PDE3A: variants seen among roughly 807,000 people sequenced by gnomAD.
PDE3A encodes the protein cGMP-inhibited 3',5'-cyclic phosphodiesterase 3A.
Under a neutral mutation model 98.3 loss-of-function variants are expected in PDE3A, and 43 were observed. That is an observed-to-expected ratio of 0.44 (90% CI 0.34 to 0.56). The LOEUF (loss-of-function observed/expected upper bound fraction) is 0.56, where lower values mean the gene tolerates loss of function less well. PDE3A is among the 20% of genes least tolerant of loss of function. The probability of loss-of-function intolerance (pLI) is 0.01; values close to 1 mark genes in which losing one functional copy is unlikely to be tolerated. For synonymous variants in PDE3A, 663 were observed against 567.9 expected (o/e 1.17, Z -2.38); for missense variants, 1,427 against 1,440.7 (o/e 0.99, Z 0.15).
intron 1 of PDE3A, among the ~76,000 whole-genome samples, chr12:20,436,323 T>A (rs560473965): frequency 2.4e-4 from 36 of 152,164 alleles, no homozygotes; most frequent in African/African-American, 7.7e-4. Flanking sequence ...GGAGAGGGGC[T>A]ATACTAAAAA....
intron 2 of PDE3A, among the ~76,000 whole-genome samples, chr12:20,602,540 A>T (rs779965144): frequency 6.6e-5 from 10 of 152,212 alleles, no homozygotes; most frequent in Admixed American, 1.3e-4. Flanking sequence ...GGTGACTTGC[A>T]GTGCTCTTTG....
At chr12:20,645,115 C>G (rs1257839441) in intron 10 of PDE3A, among the ~76,000 whole-genome samples, 1 of 151,932 alleles carries the variant, frequency 6.6e-6, no homozygotes, top group Non-Finnish European at 1.5e-5. Context: ...ACTTGAGCTC[C>G]TGACTTCAAA....
At chr12:20,577,329 G>A (rs1186096863) in intron 2 of PDE3A, among the ~76,000 whole-genome samples, 3 of 152,114 alleles carry the variant, frequency 2.0e-5, no homozygotes, top group Non-Finnish European at 4.4e-5. Context: ...GGTTAGGTAG[G>A]AATCACTGAT....
intron 1 of PDE3A, among the ~76,000 whole-genome samples, chr12:20,485,110 A>G (rs1191788064): frequency 6.6e-6 from 1 of 152,170 alleles, no homozygotes; most frequent in East Asian, 1.9e-4. Flanking sequence ...TGCTGCTTAA[A>G]CAATAGGAAT....
chr12:20,643,364 A>C (rs1458151103), intron 10 of PDE3A, among the ~76,000 whole-genome samples: 1 of 152,184 alleles, frequency 6.6e-6, no homozygotes, highest in Non-Finnish European at 1.5e-5. Flanking sequence ...TGACCTTGCT[A>C]GCTTCTTTCC....
chr12:20,591,468 A>T (rs145046676), intron 2 of PDE3A, among the ~76,000 whole-genome samples: 67 of 152,384 alleles, frequency 4.4e-4, no homozygotes, highest in African/African-American at 1.5e-3. Flanking sequence ...CTCAATGCTC[A>T]TGGCTTGTTC....
At chr12:20,624,959 A>G (rs1944226536) in intron 5 of PDE3A, among the ~76,000 whole-genome samples, 1 of 152,140 alleles carries the variant, frequency 6.6e-6, no homozygotes, top group Non-Finnish European at 1.5e-5. Context: ...ATCAAATGAA[A>G]TGTGAAGAGA....
Position 20,680,309 on chromosome 12 carries a change from C to A in PDE3A, c.*38C>A. On this transcript the variant is annotated 3_prime_UTR_variant, in exon 16 of 16. Transcript: ENST00000359062. ...TGGGCTGTGTTTCCAAACAGATTGACTTGTCAAAGACTCTCTTCAAGCCAG... is the reference window on the plus strand; with the variant it reads ...TGGGCTGTGTTTCCAAACAGATTGAATTGTCAAAGACTCTCTTCAAGCCAG... 6.2e-7 allele frequency: 1 copy of A among 1,607,246 alleles called. No individual in the cohort carries two copies. The highest frequency in any genetic ancestry group is 1.1e-5 in the South Asian group (1 of 90,366).
intron 15 of PDE3A, among the ~76,000 whole-genome samples, chr12:20,657,810 A>T (rs1441003739): frequency 2.0e-5 from 3 of 152,176 alleles, no homozygotes; most frequent in Admixed American, 6.5e-5. Flanking sequence ...TAATAAGAGA[A>T]CAGTTGCTCT....
chr12:20,406,716 G>A (rs953394604), intron 1 of PDE3A, among the ~76,000 whole-genome samples: 3 of 152,002 alleles, frequency 2.0e-5, no homozygotes, highest in African/African-American at 7.2e-5. Context: ...GTTTGATGGA[G>A]TCCTACTGGT....
intron 1 of PDE3A, among the ~76,000 whole-genome samples, chr12:20,418,767 T>C (rs1253713214): frequency 6.6e-6 from 1 of 152,218 alleles, no homozygotes; most frequent in Non-Finnish European, 1.5e-5. Context: ...CACAACACTT[T>C]TTTTAATGCT....
At chr12:20,512,329 A>G (rs1290691821) in intron 1 of PDE3A, among the ~76,000 whole-genome samples, 1 of 152,122 alleles carries the variant, frequency 6.6e-6, no homozygotes, top group Non-Finnish European at 1.5e-5. Context: ...CTAAAATAGG[A>G]ATTTTGTTTA....
intron 2 of PDE3A, among the ~76,000 whole-genome samples, chr12:20,591,193 T>G (rs1278269076): frequency 1.3e-5 from 2 of 152,220 alleles, no homozygotes; most frequent in Non-Finnish European, 2.9e-5. Flanking sequence ...AAATAATGTT[T>G]TGTTAATTCA....
At position 20,368,568 on chromosome 12, in the gene PDE3A, G is replaced by A. The variant is rs917758349; in HGVS notation, c.-717G>A. Among the ~76,000 whole-genome samples, 2 of 151,376 alleles carry A rather than the reference G, an allele frequency of 1.3e-5. No individual in the cohort carries two copies. The highest frequency in any genetic ancestry group is 2.9e-5 in the Non-Finnish European group (2 of 67,860). ...CTCTCGGTCTGGCTCTCTCTCCGAC[G>A]GGACTTAGCAACTTCTTATTTCTCA... On this transcript the variant is annotated 5_prime_UTR_variant, in exon 1 of 16. Transcript: ENST00000359062.
chr12:20,396,234 T>C (rs984510382), intron 1 of PDE3A, among the ~76,000 whole-genome samples: 3 of 152,198 alleles, frequency 2.0e-5, no homozygotes, highest in African/African-American at 7.2e-5. Context: ...TTACCCCTTT[T>C]TGCTGGTTTA....
chr12:20,413,601 C>A (rs1456146053), intron 1 of PDE3A, among the ~76,000 whole-genome samples: 2 of 152,070 alleles, frequency 1.3e-5, no homozygotes, highest in Non-Finnish European at 2.9e-5. Context: ...ATCGTCAGTG[C>A]TGGGAAATTG....
intron 1 of PDE3A, among the ~76,000 whole-genome samples, chr12:20,509,665 G>T (rs1012119561): frequency 6.6e-6 from 1 of 151,868 alleles, no homozygotes; most frequent in African/African-American, 2.4e-5. Flanking sequence ...AATTATTGTA[G>T]CCTCTGTTTT....
In PDE3A at chr12:20,650,489, T is replaced by C; in HGVS notation, c.2814T>C (p.Arg938=). 1 of 1,610,596 alleles carries C rather than the reference T, an allele frequency of 6.2e-7. No homozygotes were observed. The change falls in exon 14 of 16, where the codon CGT becomes CGC. Residue 938 remains arginine, a synonymous_variant. Transcript: ENST00000359062. ...VGIDWTNEND[R]LLVCQMCIKL... is the part of the protein sequence containing the mutation. ...TAGATTGGACCAATGAAAATGATCG[T>C]CTACTGGTTTGTCAAATGTGTATAA...
intron 15 of PDE3A, among the ~76,000 whole-genome samples, chr12:20,664,011 G>C (rs1264276563): frequency 6.6e-6 from 1 of 152,050 alleles, no homozygotes; most frequent in Non-Finnish European, 1.5e-5. Flanking sequence ...TTGTCATGCT[G>C]CTGTTCTTGT....
Sources: gnomAD v4.1 joint callset for allele counts (sites outside exome capture counted in the v4.1 genomes callset) on GRCh38, gnomAD v4.1.1 for gene constraint, MANE v1.5 for transcripts, NCBI Gene and HGNC (gene_info 2026-07-23, HGNC 2026-07-21) for gene names.